Variants in GSS observed in about 807,000 individuals in gnomAD.
GSS encodes the protein glutathione synthetase.
A neutral mutation model predicts 60.4 loss-of-function variants in GSS; 34 were observed. The observed-to-expected ratio is 0.56, with a 90% CI of 0.43 to 0.75. The LOEUF is 0.75. Ranked by LOEUF, GSS falls within the 30% of genes least tolerant of loss-of-function variation. GSS has a pLI of 0.00. For synonymous variants in GSS, 224 were observed against 239.0 expected, an observed-to-expected ratio of 0.94 and a Z score of 0.58; for missense variants, 499 against 595.1, an observed-to-expected ratio of 0.84 and a Z score of 1.68.
At chr20:34,933,645 C>T (rs1278924011) in intron 9 of GSS, 2 of 152,726 alleles carry the variant, frequency 1.3e-5, no homozygotes, top group Admixed American at 6.5e-5. Flanking sequence ...ACCTGTAGCA[C>T]CTTGACCTGA....
chr20:34,945,469 G>A (rs945773129), intron 3 of GSS, among the ~76,000 whole-genome samples: 3 of 151,816 alleles, frequency 2.0e-5, no homozygotes, highest in African/African-American at 7.3e-5. Context: ...TGCCCTGAGT[G>A]TGGCCCAGTC....
chr20:34,947,244 C>T (rs1187119408), intron 2 of GSS, among the ~76,000 whole-genome samples: 1 of 152,034 alleles, frequency 6.6e-6, no homozygotes, highest in Non-Finnish European at 1.5e-5. Flanking sequence ...TGTGCCACCA[C>T]ACCCAGGTAA....
Position 34,935,095 on chromosome 20 carries a change from C to T in GSS, c.834+481G>A, listed in dbSNP as rs373114673. ...TAATGGGGATAATTATATGCCTCAC[C>T]GAGTGGTTGTGAGGGTTAAATGAAA... On this transcript the variant is annotated intron_variant, in intron 9 of 12. Coordinates refer to ENST00000651619, the MANE Select transcript of GSS (RefSeq NM_000178.4). Among the ~76,000 whole-genome samples, 16 of 152,194 alleles carry T rather than the reference C, an allele frequency of 1.1e-4. No individual in the cohort carries two copies. In the South Asian group the frequency reaches 2.7e-3, roughly 26 times the overall value.
intron 3 of GSS, among the ~76,000 whole-genome samples, chr20:34,943,712 TG>T (rs1233646704): frequency 6.6e-6 from 1 of 152,228 alleles, no homozygotes; most frequent in East Asian, 1.9e-4. Context: ...TTTACAGCAC[TG>T]ACTGCAGTTG....
chr20:34,944,652 C>A (rs1186031275), intron 3 of GSS, among the ~76,000 whole-genome samples: 1 of 152,202 alleles, frequency 6.6e-6, no homozygotes, highest in Non-Finnish European at 1.5e-5. Flanking sequence ...GGAAGATTTG[C>A]ATATACGTAA....
intron 12 of GSS, 200 bp from the exon 13 acceptor site, chr20:34,929,151 T>G: frequency 1.4e-6 from 1 of 721,076 alleles, no homozygotes; most frequent in Non-Finnish European, 2.4e-6. Flanking sequence ...TTGGTGCTAT[T>G]TGGAGTTTCC....
Position 34,932,094 on chromosome 20 carries a change from C to T in GSS, c.874G>A (p.Ala292Thr), listed in dbSNP as rs768462266. Residue 292 changes from alanine (A) to threonine (T), a missense_variant, in exon 10 of 13, where the codon GCC becomes ACC. Coordinates refer to ENST00000651619, the MANE Select transcript of GSS (RefSeq NM_000178.4). The part of the protein sequence containing the change: ...ARLLLERSHA[A>T]KCPDIATQLA... Reference sequence around the variant, plus strand: ...TGGGTGGCAATGTCTGGGCACTTGGCAGCATGTGACCTCTCCAGCAGTAGA... The same window carrying T: ...TGGGTGGCAATGTCTGGGCACTTGGTAGCATGTGACCTCTCCAGCAGTAGA... 6.2e-7 allele frequency: 1 copy of T among 1,613,982 alleles called. No individual in the cohort carries two copies. Among genetic ancestry groups the T allele is most frequent in the Non-Finnish European group, 8.5e-7 (1 of 1,179,934 alleles).
chr20:34,942,573 C>T lies in GSS; in HGVS notation c.406G>A (p.Gly136Ser), dbSNP rs1467955461. 3 of 1,613,962 alleles carry T rather than the reference C, an allele frequency of 1.9e-6. No individual in the cohort carries two copies. The Admixed American group carries it at 5.0e-5, about 27-fold the overall frequency. Residue 136 changes from glycine to serine, a missense_variant, in exon 5 of 13, where the codon GGC becomes AGC. Gly to Ser is a moderately conservative substitution (Grantham distance 56). Transcript: ENST00000651619. ...SDYMFQRSAD[G>S]SPALKQIEIN... ...TCGATCTGTTTCAGGGCTGGGGAGC[C>T]ATCTGCGCTGCGCTGGAACATGTAG...
Position 34,942,574 on chromosome 20 carries a change from A to G in GSS, c.405T>C (p.Asp135=). ...CGATCTGTTTCAGGGCTGGGGAGCCATCTGCGCTGCGCTGGAACATGTAGT... is the reference window on the plus strand; with the variant it reads ...CGATCTGTTTCAGGGCTGGGGAGCCGTCTGCGCTGCGCTGGAACATGTAGT... ...RSDYMFQRSA[D]GSPALKQIEI... Residue 135 remains aspartate (D), a synonymous_variant, in exon 5 of 13, where the codon GAT becomes GAC. Transcript: ENST00000651619. 1 of 1,613,980 alleles carries G rather than the reference A, an allele frequency of 6.2e-7. No homozygotes were observed.
rs375957984 is a variant in GSS, at chr20:34,945,982, G to A, written c.246C>T (p.Asn82=). ...AAAGAGTTTGCTCCAGGAAGGCAGC[G>A]TTCTGGCTGACAGCATCCACTAGCA... The part of the protein sequence containing the change: ...FNLLVDAVSQ[N]AAFLEQTLSS... The change falls in exon 3 of 13, where the codon AAC becomes AAT. Residue 82 remains asparagine (N), a synonymous_variant. Coordinates refer to ENST00000651619, the MANE Select transcript of GSS (RefSeq NM_000178.4). The A allele has an allele frequency of 3.8e-5, 62 of 1,614,028 alleles. No individual in the cohort carries two copies. Among genetic ancestry groups the A allele is most frequent in the African/African-American group, 1.2e-4 (9 of 74,936 alleles).
intron 2 of GSS, among the ~76,000 whole-genome samples, chr20:34,947,949 CT>C (rs11429240): frequency 1.3e-3 from 180 of 135,976 alleles, no homozygotes; most frequent in Admixed American, 2.3e-3. Flanking sequence ...TTCTCAGCAT[CT>C]TTTTTTTTTT....
intron 2 of GSS, among the ~76,000 whole-genome samples, chr20:34,947,721 T>C (rs2081533689): frequency 6.6e-6 from 1 of 152,188 alleles, no homozygotes; most frequent in South Asian, 2.1e-4. Context: ...TGTATATTAT[T>C]CTACTCTTAG....
At chr20:34,951,327 T>G (rs778980124) in intron 2 of GSS, among the ~76,000 whole-genome samples, 1 of 152,214 alleles carries the variant, frequency 6.6e-6, no homozygotes, top group Non-Finnish European at 1.5e-5. Context: ...AGAGAAAGGC[T>G]TGAAAGCATA....
Position 34,949,037 on chromosome 20 carries a change from T to C in GSS, c.129+2687A>G, listed in dbSNP as rs151040120. ...GGTTGCTAGATTTTTTGTTTTAATT[T>C]CATGATTTTTTTTTTTAAATGTTGG... On this transcript the variant is annotated intron_variant, in intron 2 of 12. Coordinates refer to ENST00000651619, the MANE Select transcript of GSS (RefSeq NM_000178.4). Among the ~76,000 whole-genome samples the C allele has an allele frequency of 2.0e-5, 3 of 152,026 alleles. No individual in the cohort carries two copies. In the East Asian group the frequency reaches 5.8e-4, roughly 29 times the overall value.
chr20:34,953,734 G>C (rs1316696478), intron 1 of GSS, among the ~76,000 whole-genome samples: 1 of 151,392 alleles, frequency 6.6e-6, no homozygotes, highest in Non-Finnish European at 1.5e-5. Context: ...TCCTGCCTCA[G>C]CCTCCCGAGT....
At chr20:34,929,635 C>T (rs368839274) in intron 11 of GSS, 45 bp from the exon 12 acceptor site, 8 of 1,539,546 alleles carry the variant, frequency 5.2e-6, no homozygotes, top group African/African-American at 1.4e-5. Context: ...TGCCTACCTC[C>T]TCCATCCCAT....
chr20:34,936,529 A>C lies in GSS; in HGVS notation c.767+234T>G, dbSNP rs143743977. ...GAAAACTTTTGGGAACTTAGGGCAT[A>C]TGAAAACTAAGATGATCTCTAAGGA... On this transcript the variant is annotated intron_variant, in intron 8 of 12. Transcript: ENST00000651619. Among the ~76,000 whole-genome samples, 3 of 152,326 alleles carry C rather than the reference A, an allele frequency of 2.0e-5. No homozygotes were observed. In the East Asian group the frequency reaches 5.8e-4, roughly 29 times the overall value.
chr20:34,951,902 G>A, intron 1 of GSS, 42 bp from the exon 2 acceptor site: 1 of 1,608,756 alleles, frequency 6.2e-7, no homozygotes, highest in Non-Finnish European at 8.5e-7. Flanking sequence ...CAGATGGCCT[G>A]AAGCCCAGCA....
intron 2 of GSS, among the ~76,000 whole-genome samples, chr20:34,948,678 G>A (rs1295514110): frequency 1.3e-5 from 2 of 152,082 alleles, no homozygotes; most frequent in African/African-American, 4.8e-5. Context: ...CAGCTGCTCT[G>A]GAGGCTGAGG....
Sources: allele counts gnomAD v4.1 joint callset (sites outside exome capture counted in the v4.1 genomes callset), GRCh38; gene constraint gnomAD v4.1.1; transcripts MANE v1.5; gene names NCBI Gene and HGNC (gene_info 2026-07-23, HGNC 2026-07-21).